TAPT1: variants seen among roughly 807,000 people sequenced by gnomAD.
The protein encoded by TAPT1 is transmembrane anterior posterior transformation protein 1 homolog.
Under a neutral mutation model 65.6 loss-of-function variants are expected in TAPT1, and 28 were observed. The observed-to-expected ratio is 0.43, with a 90% CI of 0.32 to 0.59. The LOEUF (loss-of-function observed/expected upper bound fraction) is 0.59. Ranked by LOEUF, TAPT1 falls within the 20% of genes least tolerant of loss-of-function variation. The pLI is 0.09. For synonymous variants in TAPT1, 278 were observed against 245.2 expected, an observed-to-expected ratio of 1.13 and a Z score of -1.25; for missense variants, 563 against 679.9, an observed-to-expected ratio of 0.83 and a Z score of 1.91.
At chr4:16,209,121 T>A (rs148865108) in intron 2 of TAPT1, among the ~76,000 whole-genome samples, 48 of 152,234 alleles carry the variant, frequency 3.2e-4, no homozygotes, top group African/African-American at 1.1e-3. Flanking sequence ...TGGTTTCCTG[T>A]TCACACCTAA....
At chr4:16,209,360 G>A (rs1578472201) in intron 2 of TAPT1, among the ~76,000 whole-genome samples, 1 of 152,160 alleles carries the variant, frequency 6.6e-6, no homozygotes, top group African/African-American at 2.4e-5. Flanking sequence ...AGCTAGGTGT[G>A]AGTCTTATCT....
chr4:16,167,356 T>G (rs922114179), intron 12 of TAPT1, among the ~76,000 whole-genome samples: 1 of 152,164 alleles, frequency 6.6e-6, no homozygotes, highest in Non-Finnish European at 1.5e-5. Context: ...TATTATAACA[T>G]TTATTCTTTT....
At chr4:16,202,813 A>G (rs953318293) in intron 2 of TAPT1, among the ~76,000 whole-genome samples, 2 of 152,168 alleles carry the variant, frequency 1.3e-5, no homozygotes, top group African/African-American at 4.8e-5. Flanking sequence ...GCCCTTGACC[A>G]TAGTTAATGG....
In TAPT1 at chr4:16,189,361, A is replaced by C. The variant is rs61270182; in HGVS notation, c.613-1006T>G. On this transcript the variant is annotated intron_variant, in intron 4 of 13. Coordinates refer to ENST00000405303, the MANE Select transcript of TAPT1 (RefSeq NM_153365.3). ...TTTATTGTCTATCTCTCACCTGTAG[A>C]ATATAAGCTCCATGAGAATAGGCTG... Among the ~76,000 whole-genome samples the C allele has an allele frequency of 4.4e-3, 667 of 152,268 alleles. 1 individual carries two copies. Among genetic ancestry groups the C allele is most frequent in the African/African-American group, 0.014 (594 of 41,540 alleles).
At chr4:16,182,367 T>C (rs1395466812) in intron 7 of TAPT1, among the ~76,000 whole-genome samples, 2 of 152,242 alleles carry the variant, frequency 1.3e-5, no homozygotes, top group Non-Finnish European at 2.9e-5. Flanking sequence ...ACTGAACTCT[T>C]ACATTGATTA....
intron 4 of TAPT1, among the ~76,000 whole-genome samples, chr4:16,188,786 G>A (rs1451817230): frequency 6.6e-6 from 1 of 152,098 alleles, no homozygotes; most frequent in Non-Finnish European, 1.5e-5. Flanking sequence ...CGGGCGTGGT[G>A]GCAGGCGCCT....
Position 16,188,169 on chromosome 4 carries a change from G to GT in TAPT1, c.748+50_748+51insA, listed in dbSNP as rs1749134412. 4.7e-6 allele frequency: 7 copies of GT among 1,490,866 alleles called. No individual in the cohort carries two copies. In the African/African-American group the frequency reaches 8.5e-5, roughly 18 times the overall value. The allele number at this position is 1,490,866 out of a possible 1,614,324, so 92.4% of individuals were successfully genotyped here. ...TAAAATGGCTAACCAAATAAAATAA[G>GT]GTAGACTATGCATTAACTGTCGGAA... On this transcript the variant is annotated intron_variant, in intron 5 of 13. Transcript: ENST00000405303.
chr4:16,226,276 C>T lies in TAPT1; in HGVS notation c.182G>A (p.Arg61Lys). 1.8e-6 allele frequency: 2 copies of T among 1,126,018 alleles called. No individual in the cohort carries two copies. Among genetic ancestry groups the T allele is most frequent in the African/African-American group, 1.7e-5 (1 of 60,312 alleles). The allele number at this position is 1,126,018 out of a possible 1,614,324, so 69.8% of individuals were successfully genotyped here. Reference sequence around the variant, plus strand: ...CGCCTCACCTGTGCGGCCCCGGCGCCTCTCCCGCCGCCGGTCGCTCTCGTA... The same window carrying T: ...CGCCTCACCTGTGCGGCCCCGGCGCTTCTCCCGCCGCCGGTCGCTCTCGTA... Reference protein sequence around the residue: ...GFYESDRRRERRRGRTELSLL... With the variant: ...GFYESDRRREKRRGRTELSLL... Residue 61 changes from arginine to lysine, a missense_variant, in exon 1 of 14, where the codon AGG (arginine) becomes AAG (lysine). By Grantham distance (26) the Arg-to-Lys change is conservative (BLOSUM62 2). Around this residue, in one of 5 missense-constraint regions of TAPT1, gnomAD observed 103 missense variants for 89.4 expected, o/e 1.15. Coordinates refer to ENST00000405303, the MANE Select transcript of TAPT1 (RefSeq NM_153365.3).
rs1479922333 is a variant in TAPT1, at chr4:16,161,538, A to G, written c.*1770T>C. The G allele has an allele frequency of 6.6e-6, 1 of 152,634 alleles. No homozygotes were observed. The highest frequency in any genetic ancestry group is 1.5e-5 in the Non-Finnish European group (1 of 68,046). 9.5% of individuals were successfully genotyped at this position (152,634 alleles called of 1,614,324 possible). ...GTTGTGTTTGGCAAAGCTTTCCCCA[A>G]ACTATTCCATTCACGGTGGCATTGT... is the stretch of plus-strand genomic sequence containing the variant. On this transcript the variant is annotated 3_prime_UTR_variant, in exon 14 of 14. Transcript: ENST00000405303.
At chr4:16,210,339 G>T (rs1200817101) in intron 2 of TAPT1, among the ~76,000 whole-genome samples, 1 of 152,190 alleles carries the variant, frequency 6.6e-6, no homozygotes, top group Non-Finnish European at 1.5e-5. Context: ...CTGGGACACA[G>T]GGAAATCCTA....
intron 1 of TAPT1, among the ~76,000 whole-genome samples, chr4:16,220,653 G>A (rs1266695163): frequency 6.6e-6 from 1 of 151,666 alleles, no homozygotes; most frequent in Non-Finnish European, 1.5e-5. Context: ...GGAGGCTGAA[G>A]TAGGAGAATT....
intron 2 of TAPT1, among the ~76,000 whole-genome samples, chr4:16,212,149 A>G (rs1306642334): frequency 2.0e-5 from 3 of 152,240 alleles, no homozygotes; most frequent in Non-Finnish European, 2.9e-5. Context: ...ACTTTGAAGC[A>G]GTCCCCTGGT....
Position 16,162,703 on chromosome 4 carries a change from CA to C in TAPT1, c.*604del, listed in dbSNP as rs1747335486. The C allele has an allele frequency of 1.2e-5, 1 of 86,926 alleles. No homozygotes were observed. Among genetic ancestry groups the C allele is most frequent in the Non-Finnish European group, 2.6e-5 (1 of 39,104 alleles). The allele number at this position is 86,926 out of a possible 1,614,324, so 5.4% of individuals were successfully genotyped here. A position where few individuals can be genotyped will look rare whatever the true frequency, so the allele number is the denominator to read the frequency against. ...TTTTTTAATAAATAAACTAGTTTAGCATTTTTTTTTAACCCTACAAAATGCT... is the reference window on the plus strand; with the variant it reads ...TTTTTTAATAAATAAACTAGTTTAGCTTTTTTTTTAACCCTACAAAATGCT... On this transcript the variant is annotated 3_prime_UTR_variant, in exon 14 of 14. Transcript: ENST00000405303.
At position 16,161,088 on chromosome 4, in the gene TAPT1, G is replaced by A. The variant is rs906749078; in HGVS notation, c.*2220C>T. 6.6e-6 allele frequency: 1 copy of A among 152,574 alleles called. No homozygotes were observed. Among genetic ancestry groups the A allele is most frequent in the Non-Finnish European group, 1.5e-5 (1 of 68,042 alleles). The allele number at this position is 152,574 out of a possible 1,614,324, so 9.5% of individuals were successfully genotyped here. A position where few individuals can be genotyped will look rare whatever the true frequency, so the allele number is the denominator to read the frequency against. On this transcript the variant is annotated 3_prime_UTR_variant, in exon 14 of 14. Transcript: ENST00000405303. ...TAAAATGCAAATACCTTCATTTGCT[G>A]AGAAATATTAAATGGTCTATAATCA...
chr4:16,166,937 G>C, intron 12 of TAPT1, 144 bp from the exon 13 acceptor site: 1 of 612,638 alleles, frequency 1.6e-6, no homozygotes, highest in African/African-American at 1.9e-5. Context: ...CACAAATCTT[G>C]AGTTTTCTGA....
At chr4:16,227,241 C>G (rs560144831), upstream of TAPT1, 1 of 455,452 alleles carries the variant, frequency 2.2e-6, no homozygotes, top group South Asian at 1.6e-5. Context: ...GGCGCGCCGG[C>G]GGACTTTCCA....
intron 12 of TAPT1, among the ~76,000 whole-genome samples, chr4:16,168,052 G>A (rs1747752835): frequency 6.6e-6 from 1 of 151,750 alleles, no homozygotes; most frequent in East Asian, 1.9e-4. Flanking sequence ...CTGGAAAAAA[G>A]TATGGGAAGA....
chr4:16,196,412 A>G (rs1201866741), intron 3 of TAPT1, among the ~76,000 whole-genome samples: 1 of 152,206 alleles, frequency 6.6e-6, no homozygotes, highest in African/African-American at 2.4e-5. Flanking sequence ...CTAAGCTAAC[A>G]TGTGTAAAGA....
intron 8 of TAPT1, chr4:16,178,807 T>C (rs1441619794): frequency 2.0e-5 from 3 of 152,190 alleles, no homozygotes; most frequent in Non-Finnish European, 4.4e-5. Flanking sequence ...ATATTTAATT[T>C]ATCCCTATTT....
Sources: gnomAD v4.1 joint callset for allele counts (sites outside exome capture counted in the v4.1 genomes callset) on GRCh38, gnomAD v4.1.1 for gene constraint, gnomAD v4.1.1 regional missense constraint, MANE v1.5 for transcripts, NCBI Gene and HGNC (gene_info 2026-07-23, HGNC 2026-07-21) for gene names.